Variants in ROBO1 observed in about 807,000 individuals in gnomAD.
ROBO1 encodes the protein roundabout guidance receptor 1, also known as roundabout homolog 1.
Under a neutral mutation model 195.9 loss-of-function variants are expected in ROBO1, and 149 were observed. The ratio of observed to expected loss-of-function variants is 0.76; its 90% confidence interval spans 0.67 to 0.87. The LOEUF (loss-of-function observed/expected upper bound fraction) is 0.87. Among genes scored for constraint, ROBO1 ranks in the 40% least tolerant of loss-of-function variants. ROBO1 has a pLI of 0.00. For synonymous variants in ROBO1, 816 were observed against 733.2 expected, an observed-to-expected ratio of 1.11 and a Z score of -1.82; for missense variants, 1,933 against 2,068.3, an observed-to-expected ratio of 0.93 and a Z score of 1.27.
In ROBO1 at chr3:78,741,640, G is replaced by A. The variant is rs1312808586; in HGVS notation, c.657+5103C>T. 5.3e-5 allele frequency among the ~76,000 whole-genome samples: 8 copies of A among 151,750 alleles called. No individual in the cohort carries two copies. The East Asian group carries it at 5.8e-4, about 11-fold the overall frequency. Reference sequence around the variant, plus strand: ...AAAAGTAGTGAAATTTTTAAAAATCGCTCTTTGTGAGGTATTTTCAAAGAC... The same window carrying A: ...AAAAGTAGTGAAATTTTTAAAAATCACTCTTTGTGAGGTATTTTCAAAGAC... On this transcript the variant is annotated intron_variant, in intron 5 of 30. Transcript: ENST00000464233.
At chr3:79,723,216 T>A (rs1702777201) in intron 1 of ROBO1, among the ~76,000 whole-genome samples, 1 of 152,180 alleles carries the variant, frequency 6.6e-6, no homozygotes, top group Admixed American at 6.5e-5. Context: ...ATGCCCTTAC[T>A]TATGACCTGA....
chr3:79,582,823 A>C (rs1164051167), intron 2 of ROBO1, among the ~76,000 whole-genome samples: 2 of 152,118 alleles, frequency 1.3e-5, no homozygotes, highest in African/African-American at 4.8e-5. Context: ...ATAAGTTCTC[A>C]TCTTATACAC....
intron 25 of ROBO1, 45 bp from the exon 26 acceptor site, chr3:78,627,614 A>T: frequency 6.5e-7 from 1 of 1,541,544 alleles, no homozygotes; most frequent in Non-Finnish European, 8.8e-7. Flanking sequence ...CAGGTTATTC[A>T]AATAAACTAT....
chr3:78,780,721 C>G (rs2108479939), intron 4 of ROBO1, among the ~76,000 whole-genome samples: 1 of 152,232 alleles, frequency 6.6e-6, no homozygotes, highest in East Asian at 1.9e-4. Context: ...TACTATTGAC[C>G]TGCTTCTTCT....
intron 1 of ROBO1, among the ~76,000 whole-genome samples, chr3:79,597,944 C>T (rs1944228681): frequency 6.6e-6 from 1 of 152,030 alleles, no homozygotes; most frequent in South Asian, 2.1e-4. Flanking sequence ...GGCACAGCTA[C>T]ATTATGAATC....
At chr3:79,721,468 A>T (rs1702700397) in intron 1 of ROBO1, among the ~76,000 whole-genome samples, 1 of 152,168 alleles carries the variant, frequency 6.6e-6, no homozygotes, top group African/African-American at 2.4e-5. Context: ...TTTTACAAAT[A>T]GGAGGAAACT....
At chr3:79,268,804 T>C (rs528371300) in intron 2 of ROBO1, among the ~76,000 whole-genome samples, 1 of 151,832 alleles carries the variant, frequency 6.6e-6, no homozygotes, top group East Asian at 1.9e-4. Flanking sequence ...TGGATTGACA[T>C]GGGTTTTGAG....
intron 2 of ROBO1, among the ~76,000 whole-genome samples, chr3:79,509,620 T>C (rs1489175155): frequency 2.0e-5 from 3 of 152,158 alleles, no homozygotes; most frequent in Non-Finnish European, 2.9e-5. Flanking sequence ...ATCTTCCTTA[T>C]ATATATTACC....
chr3:79,522,897 T>C (rs1346423675), intron 2 of ROBO1, among the ~76,000 whole-genome samples: 1 of 152,146 alleles, frequency 6.6e-6, no homozygotes, highest in African/African-American at 2.4e-5. Context: ...TATAAAAGGA[T>C]TCAGCCTTGT....
At chr3:78,867,902 G>A (rs1277873232) in intron 4 of ROBO1, among the ~76,000 whole-genome samples, 1 of 152,084 alleles carries the variant, frequency 6.6e-6, no homozygotes, top group Non-Finnish European at 1.5e-5. Flanking sequence ...GACTATAGAA[G>A]AATAACACAA....
chr3:78,729,563 C>T (rs1576037923), intron 5 of ROBO1, among the ~76,000 whole-genome samples: 1 of 152,178 alleles, frequency 6.6e-6, no homozygotes, highest in South Asian at 2.1e-4. Flanking sequence ...CAGGAAAGCC[C>T]CTTCTAATTT....
At chr3:79,194,693 T>G (rs906535944) in intron 2 of ROBO1, among the ~76,000 whole-genome samples, 2 of 151,714 alleles carry the variant, frequency 1.3e-5, no homozygotes, top group Non-Finnish European at 3.0e-5. Context: ...CCTTCTGTCT[T>G]TATGACCTTT....
chr3:79,640,308 T>C (rs954593623), intron 1 of ROBO1, among the ~76,000 whole-genome samples: 1 of 63,330 alleles, frequency 1.6e-5, no homozygotes, highest in Non-Finnish European at 3.3e-5. Context: ...TTTTAATTTT[T>C]AAAAATTAAA....
chr3:78,608,826 A>G (rs1256308398), intron 28 of ROBO1, among the ~76,000 whole-genome samples: 37 of 152,204 alleles, frequency 2.4e-4, no homozygotes, highest in Non-Finnish European at 1.3e-4. Flanking sequence ...GATGACTTTT[A>G]GGATTTTTGT....
intron 2 of ROBO1, among the ~76,000 whole-genome samples, chr3:79,517,836 C>A (rs1941018279): frequency 1.3e-5 from 2 of 152,162 alleles, no homozygotes; most frequent in South Asian, 4.1e-4. Context: ...CAGTCTCATT[C>A]AAACCTTCAA....
chr3:79,703,399 A>G (rs970542281), intron 1 of ROBO1, among the ~76,000 whole-genome samples: 1 of 151,702 alleles, frequency 6.6e-6, no homozygotes, highest in Non-Finnish European at 1.5e-5. Context: ...AATAATCCTG[A>G]ATCTCTTAAT....
intron 3 of ROBO1, chr3:79,018,811 G>T: frequency 3.8e-6 from 4 of 1,045,708 alleles, no homozygotes; most frequent in Non-Finnish European, 4.6e-6. Flanking sequence ...CCCGGCGTGC[G>T]CCCCCACAAT....
intron 2 of ROBO1, among the ~76,000 whole-genome samples, chr3:79,135,284 T>TA (rs1389946310): frequency 1.3e-5 from 2 of 152,202 alleles, no homozygotes; most frequent in South Asian, 4.1e-4. Flanking sequence ...AACTTGGAAG[T>TA]AAAAAATACA....
intron 8 of ROBO1, among the ~76,000 whole-genome samples, chr3:78,702,050 T>G (rs1258498041): frequency 6.6e-6 from 1 of 152,198 alleles, no homozygotes; most frequent in African/African-American, 2.4e-5. Context: ...ATACAAAATA[T>G]TTTTAAAAAC....
Sources: allele counts gnomAD v4.1 joint callset (sites outside exome capture counted in the v4.1 genomes callset), GRCh38; gene constraint gnomAD v4.1.1; transcripts MANE v1.5; gene names NCBI Gene and HGNC (gene_info 2026-07-23, HGNC 2026-07-21).